The following RLBP1 variants were observed in gnomAD, a reference collection of about 807,000 sequenced individuals.
RLBP1 encodes retinaldehyde binding protein 1, also known as retinaldehyde-binding protein 1.
RLBP1 carries 26 observed loss-of-function variants against 36.2 expected under a neutral mutation model. That is an observed-to-expected ratio of 0.72 (90% CI 0.53 to 1.00). RLBP1 has a LOEUF of 1.00. Ranked by LOEUF, RLBP1 falls within the 50% of genes least tolerant of loss-of-function variation. The pLI is 0.00. For missense variants in RLBP1, 410 were observed against 402.4 expected (o/e 1.02, Z -0.16); for synonymous variants, 155 against 156.2 (o/e 0.99, Z 0.06).
rs1168924426 is a variant in RLBP1, at chr15:89,210,169, G to A, written c.*116C>T. The A allele has an allele frequency of 4.9e-6, 6 of 1,212,192 alleles. No individual in the cohort carries two copies. Among genetic ancestry groups the A allele is most frequent in the Non-Finnish European group, 7.2e-6 (6 of 828,042 alleles). 75.1% of individuals were successfully genotyped at this position (1,212,192 alleles called of 1,614,324 possible). A position where few individuals can be genotyped will look rare whatever the true frequency, so the allele number is the denominator to read the frequency against. ...TGACACCTGAGCTCACTCGGGCTTA[G>A]GGAGTCTAAGGGGGGACCACAGTCA... On this transcript the variant is annotated 3_prime_UTR_variant, in exon 9 of 9. Coordinates refer to ENST00000268125, the MANE Select transcript of RLBP1 (RefSeq NM_000326.5). This position sits in a 1 kb window ranked among gnomAD's most constrained non-coding sequence, Gnocchi z 4.7.
At position 89,214,161 on chromosome 15, in the gene RLBP1, T is replaced by G. The variant is rs1479414628; in HGVS notation, c.525+899A>C. 6.6e-6 allele frequency among the ~76,000 whole-genome samples: 1 copy of G among 152,132 alleles called. No homozygotes were observed. The highest frequency in any genetic ancestry group is 1.5e-5 in the Non-Finnish European group (1 of 68,028). ...ATTGTGTTGGCACAACTAGATAGCATTATCTAAAATTAGTTTGGGCCAGGT... is the reference window on the plus strand; with the variant it reads ...ATTGTGTTGGCACAACTAGATAGCAGTATCTAAAATTAGTTTGGGCCAGGT... On this transcript the variant is annotated intron_variant, in intron 6 of 8. Transcript: ENST00000268125. The surrounding 1 kb of genome is among the most constrained non-coding windows in gnomAD (Gnocchi z 4.6).
chr15:89,212,625 CGTGT>C (rs138615112), intron 6 of RLBP1, among the ~76,000 whole-genome samples: 3 of 143,290 alleles, frequency 2.1e-5, no homozygotes, highest in Non-Finnish European at 3.0e-5. Context: ...TGTGTGTGCG[CGTGT>C]GTGTGTGTGT....
chr15:89,217,093 G>T, intron 5 of RLBP1, 27 bp downstream of exon 5: 6 of 1,611,050 alleles, frequency 3.7e-6, no homozygotes, highest in Non-Finnish European at 5.1e-6. Flanking sequence ...GTCTTCCCAG[G>T]GCCGTCCCTC....
In RLBP1 at chr15:89,218,912, GAGA is replaced by G; in HGVS notation, c.12+49_12+51del. 1 of 1,597,548 alleles carries G rather than the reference GAGA, an allele frequency of 6.3e-7. No homozygotes were observed. The stretch of plus-strand genomic sequence containing the variant: ...TAAGGAGGGAGGGAGAGGGAAGAGA[GAGA>G]AGAGAGGGAAGGTGGGTGGAGGAGA... On this transcript the variant is annotated intron_variant, in intron 3 of 8. Transcript: ENST00000268125. This position sits in a 1 kb window ranked among gnomAD's most constrained non-coding sequence, Gnocchi z 4.6.
intron 5 of RLBP1, 103 bp downstream of exon 5, chr15:89,217,017 C>A (rs1440297788): frequency 7.2e-6 from 9 of 1,249,106 alleles, no homozygotes; most frequent in African/African-American, 1.5e-5. Context: ...AACTGACTTG[C>A]CCACAGTATG....
rs1039506948 is a variant in RLBP1, at chr15:89,217,003, G to C, written c.346+117C>G. On this transcript the variant is annotated intron_variant, in intron 5 of 8. Transcript: ENST00000268125. ...TTACAGGTAAGGATGTGGAGGCTCA[G>C]AGAAACTGACTTGCCCACAGTATGG... 37 of 1,070,418 alleles carry C rather than the reference G, an allele frequency of 3.5e-5. No homozygotes were observed. The South Asian group carries it at 4.9e-4, about 14-fold the overall frequency. The allele number at this position is 1,070,418 out of a possible 1,614,324, so 66.3% of individuals were successfully genotyped here.
rs755347677 is a variant in RLBP1 at position 89,211,737 on chromosome 15, C to G, written c.684+6G>C. On this transcript the variant is annotated splice_donor_region_variant and intron_variant, in intron 7 of 8. Coordinates refer to ENST00000268125, the MANE Select transcript of RLBP1 (RefSeq NM_000326.5). This position sits in a 1 kb window ranked among gnomAD's most constrained non-coding sequence, Gnocchi z 5.8. ...GGCTGCCGTGCGACAGAACTCTAAG[C>G]CTCACCTGGAGCATGTCCACCATCT... The G allele has an allele frequency of 4.3e-6, 7 of 1,613,496 alleles. No homozygotes were observed. In the South Asian group the frequency reaches 7.7e-5, roughly 18 times the overall value.
chr15:89,218,767 G>C lies in RLBP1; in HGVS notation c.13-74C>G. The C allele has an allele frequency of 6.2e-7, 1 of 1,605,608 alleles. No individual in the cohort carries two copies. The highest frequency in any genetic ancestry group is 8.5e-7 in the Non-Finnish European group (1 of 1,177,268). On this transcript the variant is annotated intron_variant, in intron 3 of 8. Transcript: ENST00000268125. The surrounding 1 kb of genome is among the most constrained non-coding windows in gnomAD (Gnocchi z 4.6). ...CCAGCCAGGGAAATGGGCCTGCTCA[G>C]ACCTTCAGTTCTTTTGCCCAAGGTC...
Position 89,217,297 on chromosome 15 carries a change from C to G in RLBP1, c.169G>C (p.Glu57Gln), listed in dbSNP as rs2051590420. The G allele has an allele frequency of 6.2e-7, 1 of 1,607,446 alleles. No individual in the cohort carries two copies. Among genetic ancestry groups the G allele is most frequent in the African/African-American group, 1.3e-5 (1 of 74,942 alleles). The part of the protein sequence containing the change: ...KAKDELNERE[E>Q]TREEAVRELQ... ...TCTCGCACTGCCTCCTCCCGGGTCT[C>G]CTCTCTCTCGTTCAGCTCATCCTTG... The change falls in exon 5 of 9, where the codon GAG (glutamate) becomes CAG (glutamine). Residue 57 changes from glutamate to glutamine, a missense_variant. Transcript: ENST00000268125.
chr15:89,216,715 G>A (rs980861526), intron 5 of RLBP1, among the ~76,000 whole-genome samples: 4 of 152,222 alleles, frequency 2.6e-5, no homozygotes, highest in African/African-American at 9.6e-5. Context: ...ACCATCTTCA[G>A]TTCCACTGCA....
intron 1 of RLBP1, among the ~76,000 whole-genome samples, chr15:89,220,834 G>A (rs1282007380): frequency 1.3e-5 from 2 of 152,096 alleles, no homozygotes; most frequent in Non-Finnish European, 1.5e-5. Context: ...GTTCAAGTCC[G>A]TGCGGCAACT....
At position 89,218,903 on chromosome 15, in the gene RLBP1, G is replaced by A. The variant is rs8040574; in HGVS notation, c.12+61C>T. ...ATAGAGAAGTAAGGAGGGAGGGAGA[G>A]GGAAGAGAGAGAAGAGAGGGAAGGT... On this transcript the variant is annotated intron_variant, in intron 3 of 8. Transcript: ENST00000268125. This position sits in a 1 kb window ranked among gnomAD's most constrained non-coding sequence, Gnocchi z 4.6. 1.5e-3 allele frequency: 2,345 copies of A among 1,581,930 alleles called. 27 individuals carry two copies. In the African/African-American group the frequency reaches 0.026, roughly 18 times the overall value.
chr15:89,215,196 C>T lies in RLBP1; in HGVS notation c.389G>A (p.Ser130Asn). Reference sequence around the variant, plus strand: ...GCAGCGGACAGCCTCTGGGGACAGGCTGTCAAAGAGCTCAGGGTACTGCAG... The same window carrying T: ...GCAGCGGACAGCCTCTGGGGACAGGTTGTCAAAGAGCTCAGGGTACTGCAG... ...FRLQYPELFD[S>N]LSPEAVRCTI... The change falls in exon 6 of 9, where the codon AGC becomes AAC. Residue 130 changes from serine to asparagine, a missense_variant. Physicochemically the swap from Ser to Asn is conservative, Grantham distance 46 (BLOSUM62 1). Transcript: ENST00000268125. 1 of 1,614,198 alleles carries T rather than the reference C, an allele frequency of 6.2e-7. No individual in the cohort carries two copies. The highest frequency in any genetic ancestry group is 8.5e-7 in the Non-Finnish European group (1 of 1,180,032).
chr15:89,215,714 C>G (rs1226536149), intron 5 of RLBP1, among the ~76,000 whole-genome samples: 1 of 152,162 alleles, frequency 6.6e-6, no homozygotes. Flanking sequence ...CTACGGTCCA[C>G]AAACACCATC....
In RLBP1 at chr15:89,211,745, G is replaced by A; in HGVS notation, c.682C>T (p.Gln228Ter). 1 of 1,613,728 alleles carries A rather than the reference G, an allele frequency of 6.2e-7. No individual in the cohort carries two copies. The highest frequency in any genetic ancestry group is 2.2e-5 in the East Asian group (1 of 44,886). ...TGCGACAGAACTCTAAGCCTCACCT[G>A]GAGCATGTCCACCATCTTCCTGAGA... ...SDLRKMVDML[Q>*]DSFPARFKAI... Residue 228 changes from glutamine (Q) to a stop codon, truncating the protein, a stop_gained and splice_region_variant, in exon 7 of 9, where the codon CAG (glutamine) becomes TAG (stop). Transcript: ENST00000268125. LOFTEE classifies it high-confidence loss of function. The surrounding 1 kb of genome is among the most constrained non-coding windows in gnomAD (Gnocchi z 5.8).
chr15:89,210,367 C>T lies in RLBP1; in HGVS notation c.872G>A (p.Gly291Asp), dbSNP rs1465988364. The T allele has an allele frequency of 1.2e-6, 2 of 1,614,172 alleles. No homozygotes were observed. The highest frequency in any genetic ancestry group is 2.2e-5 in the South Asian group (2 of 91,086). Residue 291 changes from glycine to aspartate, a missense_variant, in exon 9 of 9, where the codon GGC (glycine) becomes GAC (aspartate). Coordinates refer to ENST00000268125, the MANE Select transcript of RLBP1 (RefSeq NM_000326.5). The surrounding 1 kb of genome is among the most constrained non-coding windows in gnomAD (Gnocchi z 4.7). ...CTTGCCATCATACTTGGGCAGCGTG[C>T]CCCCGAAGTCAGAGGGCAGGATGTT... ...DENILPSDFG[G>D]TLPKYDGKAV...
At chr15:89,217,062 A>G (rs1224514801) in intron 5 of RLBP1, 58 bp downstream of exon 5, 2 of 1,562,850 alleles carry the variant, frequency 1.3e-6, no homozygotes, top group African/African-American at 1.4e-5. Context: ...ATGAGAGCGG[A>G]TAGCATCCTC....
In RLBP1 at chr15:89,211,508, G is replaced by T. The variant is rs2051537850; in HGVS notation, c.684+235C>A. Among the ~76,000 whole-genome samples the T allele has an allele frequency of 6.6e-6, 1 of 152,196 alleles. No individual in the cohort carries two copies. The highest frequency in any genetic ancestry group is 1.5e-5 in the Non-Finnish European group (1 of 68,038). On this transcript the variant is annotated intron_variant, in intron 7 of 8. Transcript: ENST00000268125. The surrounding 1 kb of genome is among the most constrained non-coding windows in gnomAD (Gnocchi z 5.8). ...TTCGTTTCCAGGTTTGAAAAATGAA[G>T]CAGGGAAGGAGGGAGAGAATGCTCT...
chr15:89,210,254 C>T lies in RLBP1; in HGVS notation c.*31G>A, dbSNP rs1027829758. 4 of 1,612,824 alleles carry T rather than the reference C, an allele frequency of 2.5e-6. No homozygotes were observed. The highest frequency in any genetic ancestry group is 2.7e-5 in the African/African-American group (2 of 75,038). On this transcript the variant is annotated 3_prime_UTR_variant, in exon 9 of 9. Transcript: ENST00000268125. The surrounding 1 kb of genome is among the most constrained non-coding windows in gnomAD (Gnocchi z 4.7). Reference sequence around the variant, plus strand: ...ACAGTTGAGGAGAGGCCCAGAGATTCTAACTACAGTTCAGCTGGCAGGAGA... The same window carrying T: ...ACAGTTGAGGAGAGGCCCAGAGATTTTAACTACAGTTCAGCTGGCAGGAGA...
Sources: allele counts gnomAD v4.1 joint callset (sites outside exome capture counted in the v4.1 genomes callset), GRCh38; gene constraint gnomAD v4.1.1; non-coding constraint Gnocchi (gnomAD v3.1); transcripts MANE v1.5; gene names NCBI Gene and HGNC (gene_info 2026-07-23, HGNC 2026-07-21).